SGCD: variants seen among roughly 807,000 people sequenced by gnomAD.
The protein encoded by SGCD is sarcoglycan delta, also known as delta-sarcoglycan.
Under a neutral mutation model 36.6 loss-of-function variants are expected in SGCD, and 18 were observed. The observed-to-expected ratio is 0.49, with a 90% CI of 0.34 to 0.73. The LOEUF is 0.73. Ranked by LOEUF, SGCD falls within the 30% of genes least tolerant of loss-of-function variation. The pLI, the probability that SGCD is intolerant of heterozygous loss-of-function variation, is 0.01. For synonymous variants in SGCD, 133 were observed against 130.6 expected, an observed-to-expected ratio of 1.02 and a Z score of -0.12; for missense variants, 387 against 346.7, an observed-to-expected ratio of 1.12 and a Z score of -0.92.
At chr5:155,799,945 A>G in the SGCD span, among the ~76,000 whole-genome samples, 1 of 149,704 alleles carries the variant, frequency 6.7e-6, no homozygotes, top group Non-Finnish European at 1.5e-5. Context: ...CAGCCTTCCA[A>G]GTAGCTAGGA....
chr5:156,565,620 AC>A (rs1221597493), intron 4 of SGCD, among the ~76,000 whole-genome samples: 1 of 152,156 alleles, frequency 6.6e-6, no homozygotes, highest in Non-Finnish European at 1.5e-5. Context: ...AAAGGTATAT[AC>A]GTGCCATGGT....
intron 1 of SGCD, among the ~76,000 whole-genome samples, chr5:155,983,365 T>C (rs1388629152): frequency 6.6e-6 from 1 of 152,186 alleles, no homozygotes; most frequent in Non-Finnish European, 1.5e-5. Flanking sequence ...AGTGGCATGA[T>C]CTCGGCTCAC....
At chr5:155,948,256 G>A (rs372018535) in intron 1 of SGCD, among the ~76,000 whole-genome samples, 1 of 152,080 alleles carries the variant, frequency 6.6e-6, no homozygotes, top group South Asian at 2.1e-4. Flanking sequence ...CAGCCTGGGC[G>A]ACAGGGTGAC....
At chr5:156,427,832 A>G (rs1773743445) in intron 3 of SGCD, among the ~76,000 whole-genome samples, 1 of 152,168 alleles carries the variant, frequency 6.6e-6, no homozygotes, top group Non-Finnish European at 1.5e-5. Flanking sequence ...TATGTGATGT[A>G]TCACATTTAT....
At chr5:155,938,881 A>C (rs2113405703) in intron 1 of SGCD, among the ~76,000 whole-genome samples, 1 of 152,358 alleles carries the variant, frequency 6.6e-6, no homozygotes. Context: ...CCAACTAATT[A>C]ATAGGAGTCA....
intron 1 of SGCD, among the ~76,000 whole-genome samples, chr5:156,023,963 C>A (rs1759166686): frequency 6.6e-6 from 1 of 152,118 alleles, no homozygotes; most frequent in African/African-American, 2.4e-5. Flanking sequence ...GTCGAGCATC[C>A]CTGTCAGAAA....
intron 3 of SGCD, among the ~76,000 whole-genome samples, chr5:156,426,484 T>G (rs1172782263): frequency 1.3e-5 from 2 of 152,164 alleles, no homozygotes; most frequent in African/African-American, 4.8e-5. Flanking sequence ...GTCGGATGCA[T>G]TGTTTGCAGA....
At chr5:155,903,651 G>A (rs527578013) in intron 1 of SGCD, among the ~76,000 whole-genome samples, 41 of 152,228 alleles carry the variant, frequency 2.7e-4, no homozygotes, top group Admixed American at 5.9e-4. Flanking sequence ...TCTTTGATTA[G>A]CCAGTTAAAT....
At chr5:156,264,824 T>C (rs1428973023) in intron 3 of SGCD, among the ~76,000 whole-genome samples, 1 of 152,118 alleles carries the variant, frequency 6.6e-6, no homozygotes, top group Non-Finnish European at 1.5e-5. Context: ...ACTGCTTTTT[T>C]CCCCAGCACC....
chr5:155,952,238 C>T (rs1275532139), intron 1 of SGCD, among the ~76,000 whole-genome samples: 1 of 151,986 alleles, frequency 6.6e-6, no homozygotes, highest in Non-Finnish European at 1.5e-5. Flanking sequence ...TTCAAAAACC[C>T]CAAGGAGGAA....
chr5:155,931,352 A>T (rs1346447106), intron 1 of SGCD, among the ~76,000 whole-genome samples: 1 of 152,186 alleles, frequency 6.6e-6, no homozygotes, highest in South Asian at 2.1e-4. Flanking sequence ...TTGCTTCAAC[A>T]TCTTAATGGA....
chr5:155,970,710 A>G (rs1757991623), intron 1 of SGCD, among the ~76,000 whole-genome samples: 1 of 152,196 alleles, frequency 6.6e-6, no homozygotes, highest in African/African-American at 2.4e-5. Flanking sequence ...CATATTATGT[A>G]TAACGTGTAT....
chr5:156,705,354 C>T (rs1027138748), intron 7 of SGCD, among the ~76,000 whole-genome samples: 5 of 152,080 alleles, frequency 3.3e-5, no homozygotes, highest in African/African-American at 9.7e-5. Context: ...CAGGGAATCA[C>T]GTGATTTGCT....
At chr5:155,763,725 A>C in the SGCD span, among the ~76,000 whole-genome samples, 1 of 152,236 alleles carries the variant, frequency 6.6e-6, no homozygotes, top group South Asian at 2.1e-4. Flanking sequence ...TCCAATATAC[A>C]TTTTAAGTTG....
At chr5:156,560,932 C>G (rs1383984857) in intron 4 of SGCD, among the ~76,000 whole-genome samples, 1 of 152,038 alleles carries the variant, frequency 6.6e-6, no homozygotes, top group Non-Finnish European at 1.5e-5. Context: ...TTGAAATGGT[C>G]CAATGAATGT....
intron 3 of SGCD, among the ~76,000 whole-genome samples, chr5:156,207,435 A>G (rs1764310180): frequency 6.6e-6 from 1 of 152,184 alleles, no homozygotes; most frequent in African/African-American, 2.4e-5. Context: ...AATGTCTTTA[A>G]TAGTTCGAAA....
rs562503543 is a variant in SGCD, at chr5:156,729,493, A to G, written c.576-28088A>G. Among the ~76,000 whole-genome samples the G allele has an allele frequency of 2.0e-5, 3 of 152,334 alleles. 1 individual carries two copies. The South Asian group carries it at 6.2e-4, about 32-fold the overall frequency. On this transcript the variant is annotated intron_variant, in intron 7 of 8. Coordinates refer to ENST00000337851, the MANE Select transcript of SGCD (RefSeq NM_000337.6). ...GAATTGATGATGGGATCTATCTCTC[A>G]GGGTTGTAGCAAGCATGAAATGGGA... is the stretch of plus-strand genomic sequence containing the variant.
At chr5:156,389,321 C>G (rs79762698) in intron 3 of SGCD, among the ~76,000 whole-genome samples, 2,075 of 152,272 alleles carry the variant, frequency 0.014, 22 homozygotes, top group Non-Finnish European at 0.023. Context: ...GTTAGGGAAG[C>G]CATTCATATA....
chr5:156,323,248 C>G (rs1244123157), upstream of SGCD, among the ~76,000 whole-genome samples: 1 of 152,144 alleles, frequency 6.6e-6, no homozygotes, highest in Non-Finnish European at 1.5e-5. Context: ...AGGAGTTGTT[C>G]CTCCTCTCTT....
Sources: gnomAD v4.1 joint callset for allele counts (sites outside exome capture counted in the v4.1 genomes callset) on GRCh38, gnomAD v4.1.1 for gene constraint, MANE v1.5 for transcripts, NCBI Gene and HGNC (gene_info 2026-07-23, HGNC 2026-07-21) for gene names.